ANK3: variants seen among roughly 807,000 people sequenced by gnomAD.
ANK3 encodes ankyrin 3.
ANK3 carries 57 observed loss-of-function variants against 370.9 expected under a neutral mutation model. The ratio of observed to expected loss-of-function variants is 0.15; its 90% CI spans 0.12 to 0.19. The LOEUF is 0.19. Among genes scored for constraint, ANK3 ranks in the 10% least tolerant of loss-of-function variants. The pLI, the probability that ANK3 is intolerant of heterozygous loss-of-function variation, is 1.00. For synonymous variants in ANK3, 1,929 were observed against 1,946.3 expected, an observed-to-expected ratio of 0.99 and a Z score of 0.23; for missense variants, 4,439 against 5,302.1, an observed-to-expected ratio of 0.84 and a Z score of 5.06.
chr10:60,456,040 A>G (rs947107780), intron 2 of ANK3, among the ~76,000 whole-genome samples: 2 of 152,236 alleles, frequency 1.3e-5, no homozygotes, highest in East Asian at 1.9e-4. Context: ...TTAATTCAGC[A>G]TGTCATTTTT....
intron 18 of ANK3, among the ~76,000 whole-genome samples, chr10:60,177,058 G>C (rs568959971): frequency 6.6e-6 from 1 of 152,202 alleles, no homozygotes; most frequent in African/African-American, 2.4e-5. Context: ...AATATCCCAA[G>C]TGCCCAGCCA....
intron 13 of ANK3, among the ~76,000 whole-genome samples, chr10:60,199,012 G>A (rs2096630875): frequency 6.6e-6 from 1 of 152,162 alleles, no homozygotes; most frequent in African/African-American, 2.4e-5. Context: ...CAGTATACCT[G>A]TGCAAAGGCT....
chr10:60,567,171 A>G (rs1413809351), intron 2 of ANK3, among the ~76,000 whole-genome samples: 1 of 152,216 alleles, frequency 6.6e-6, no homozygotes, highest in Non-Finnish European at 1.5e-5. Context: ...AGACAGCCCT[A>G]TACTGTAGTG....
intron 12 of ANK3, among the ~76,000 whole-genome samples, chr10:60,202,262 C>T (rs2096692430): frequency 6.6e-6 from 1 of 152,110 alleles, no homozygotes; most frequent in Non-Finnish European, 1.5e-5. Flanking sequence ...GCTAGGATTA[C>T]AGGCATGCGC....
chr10:60,619,012 A>G (rs189603538), intron 1 of ANK3, among the ~76,000 whole-genome samples: 41 of 152,246 alleles, frequency 2.7e-4, no homozygotes, highest in African/African-American at 9.6e-4. Flanking sequence ...AGTGGTTCCT[A>G]GAATAAAATT....
chr10:60,048,912 G>A (rs918944441), intron 42 of ANK3, among the ~76,000 whole-genome samples: 2 of 152,056 alleles, frequency 1.3e-5, no homozygotes, highest in African/African-American at 4.8e-5. Flanking sequence ...ACCCATTTAG[G>A]TACTACATTC....
intron 2 of ANK3, among the ~76,000 whole-genome samples, chr10:60,500,718 A>G (rs181055210): frequency 1.3e-5 from 2 of 152,276 alleles, no homozygotes; most frequent in African/African-American, 2.4e-5. Context: ...CTGAACCTCT[A>G]TCGGTGTGAT....
intron 7 of ANK3, among the ~76,000 whole-genome samples, chr10:60,236,711 T>C (rs1364676632): frequency 6.6e-6 from 1 of 152,220 alleles, no homozygotes; most frequent in Non-Finnish European, 1.5e-5. Flanking sequence ...TGCTAAAATA[T>C]AAATCTTAAA....
intron 2 of ANK3, among the ~76,000 whole-genome samples, chr10:60,519,229 G>A (rs570097947): frequency 6.6e-6 from 1 of 152,248 alleles, no homozygotes; most frequent in Admixed American, 6.5e-5. Context: ...GGCTGAGAAA[G>A]TTGCTTTTGT....
At chr10:60,539,275 A>C (rs922708451) in intron 2 of ANK3, among the ~76,000 whole-genome samples, 1 of 151,982 alleles carries the variant, frequency 6.6e-6, no homozygotes. Flanking sequence ...TTTAAAAAGC[A>C]GATATACACT....
At chr10:60,574,176 A>G (rs2077653360) in intron 2 of ANK3, among the ~76,000 whole-genome samples, 2 of 152,106 alleles carry the variant, frequency 1.3e-5, no homozygotes, top group Admixed American at 1.3e-4. Flanking sequence ...TCCATATTCA[A>G]CCAAGATTCC....
chr10:60,588,023 CAT>C (rs1305261852), intron 2 of ANK3, among the ~76,000 whole-genome samples: 1 of 151,974 alleles, frequency 6.6e-6, no homozygotes, highest in Non-Finnish European at 1.5e-5. Context: ...AATGCACAAA[CAT>C]GTTCACCAAT....
intron 42 of ANK3, chr10:60,042,995 G>T: frequency 7.7e-7 from 1 of 1,293,196 alleles, no homozygotes; most frequent in Non-Finnish European, 9.8e-7. Flanking sequence ...CAATAATTCA[G>T]TAAGTTAGTG....
At chr10:60,323,113 G>A (rs72822280) in intron 1 of ANK3, among the ~76,000 whole-genome samples, 6,493 of 152,266 alleles carry the variant, frequency 0.043, 366 homozygotes, top group African/African-American at 0.13. Flanking sequence ...GAATTGAAGT[G>A]AGATGGGTAA....
chr10:60,558,217 T>C (rs1463046885), intron 2 of ANK3, among the ~76,000 whole-genome samples: 1 of 152,222 alleles, frequency 6.6e-6, no homozygotes, highest in Non-Finnish European at 1.5e-5. Flanking sequence ...CAACCGCATT[T>C]CTGATATTAG....
At chr10:60,481,460 G>A (rs1273560587) in intron 2 of ANK3, among the ~76,000 whole-genome samples, 3 of 142,924 alleles carry the variant, frequency 2.1e-5, no homozygotes, top group African/African-American at 7.7e-5. Flanking sequence ...ATGAACACAA[G>A]GAAGATATAT....
chr10:60,408,053 T>G (rs1046583599), intron 2 of ANK3, among the ~76,000 whole-genome samples: 1 of 152,204 alleles, frequency 6.6e-6, no homozygotes. Context: ...CAACCCACCT[T>G]CTATGTGATG....
intron 1 of ANK3, among the ~76,000 whole-genome samples, chr10:60,709,980 C>G (rs1246044690): frequency 6.6e-6 from 1 of 152,088 alleles, no homozygotes; most frequent in Non-Finnish European, 1.5e-5. Flanking sequence ...AGCTGTAGAC[C>G]TCAATCTAAG....
intron 42 of ANK3, chr10:60,053,565 G>T: frequency 1.3e-6 from 1 of 775,482 alleles, no homozygotes; most frequent in Non-Finnish European, 1.8e-6. Flanking sequence ...TCCTTTTAGT[G>T]AATTATCTAG....
Sources: allele counts gnomAD v4.1 joint callset (sites outside exome capture counted in the v4.1 genomes callset), GRCh38; gene constraint gnomAD v4.1.1; transcripts MANE v1.5; gene names NCBI Gene and HGNC (gene_info 2026-07-23, HGNC 2026-07-21).